PTPRD: variants seen among roughly 807,000 people sequenced by gnomAD.
PTPRD encodes receptor-type tyrosine-protein phosphatase delta.
In PTPRD, 34 loss-of-function variants were observed where a neutral mutation model predicts 214.5. That is an observed-to-expected ratio of 0.16 (90% CI 0.12 to 0.21). The LOEUF (loss-of-function observed/expected upper bound fraction) is 0.21, where lower values mean the gene tolerates loss of function less well. Among genes scored for constraint, PTPRD ranks in the 10% least tolerant of loss-of-function variants. The probability of loss-of-function intolerance (pLI) is 1.00; values close to 1 mark genes in which losing one functional copy is unlikely to be tolerated. For synonymous variants in PTPRD, 1,128 were observed against 845.7 expected (o/e 1.33, Z -5.79); for missense variants, 2,545 against 2,398.7 (o/e 1.06, Z -1.27).
intron 8 of PTPRD, among the ~76,000 whole-genome samples, chr9:9,478,888 A>T (rs993613489): frequency 1.3e-5 from 2 of 152,186 alleles, no homozygotes; most frequent in African/African-American, 2.4e-5. Flanking sequence ...CGCAGCTGAT[A>T]TATGAGCTGC....
At chr9:9,708,793 G>T (rs2097673131) in intron 7 of PTPRD, among the ~76,000 whole-genome samples, 1 of 151,990 alleles carries the variant, frequency 6.6e-6, no homozygotes, top group Non-Finnish European at 1.5e-5. Context: ...ATATAATTCA[G>T]AATGCCATTG....
intron 11 of PTPRD, among the ~76,000 whole-genome samples, chr9:8,930,031 T>TACATGTACC (rs1168595386): frequency 6.6e-6 from 1 of 151,784 alleles, no homozygotes. Context: ...TACATATGTA[T>TACATGTACC]ACATGTACCA....
intron 9 of PTPRD, among the ~76,000 whole-genome samples, chr9:9,213,136 C>G (rs911735426): frequency 6.6e-6 from 1 of 152,176 alleles, no homozygotes; most frequent in Non-Finnish European, 1.5e-5. Flanking sequence ...CGTAGCTTCT[C>G]AAGGTGCTCT....
chr9:8,658,161 A>G (rs2096952439), intron 12 of PTPRD, among the ~76,000 whole-genome samples: 1 of 152,214 alleles, frequency 6.6e-6, no homozygotes, highest in Non-Finnish European at 1.5e-5. Context: ...GCCTAATTAC[A>G]ATAGCAGTGA....
At chr9:8,707,723 G>A (rs1466560589) in intron 12 of PTPRD, among the ~76,000 whole-genome samples, 3 of 151,988 alleles carry the variant, frequency 2.0e-5, no homozygotes, top group Non-Finnish European at 4.4e-5. Context: ...CCTACTATTG[G>A]GTTTAACCAT....
intron 9 of PTPRD, among the ~76,000 whole-genome samples, chr9:9,230,655 T>A (rs992897671): frequency 6.6e-6 from 1 of 152,046 alleles, no homozygotes; most frequent in African/African-American, 2.4e-5. Flanking sequence ...CACCCAGCTG[T>A]TTGGTGGAGA....
chr9:10,073,790 A>T (rs2154181957), intron 3 of PTPRD, among the ~76,000 whole-genome samples: 1 of 152,248 alleles, frequency 6.6e-6, no homozygotes, highest in Admixed American at 6.5e-5. Context: ...CAACTAGATT[A>T]TGTCACATTT....
In PTPRD at chr9:8,654,054, G is replaced by A. The variant is rs564833529; in HGVS notation, c.65-17210C>T. ...GTAGAGCCTGTCCTGTGCATTGCAA[G>A]AGATTGAGCAACATCCCTGGCTTCT... is the stretch of plus-strand genomic sequence containing the variant. On this transcript the variant is annotated intron_variant, in intron 12 of 45. Transcript: ENST00000381196. Among the ~76,000 whole-genome samples, 11 of 152,260 alleles carry A rather than the reference G, an allele frequency of 7.2e-5. No individual in the cohort carries two copies. The South Asian group carries it at 1.9e-3, about 26-fold the overall frequency.
chr9:8,890,805 T>C (rs1411374447), intron 11 of PTPRD, among the ~76,000 whole-genome samples: 1 of 152,216 alleles, frequency 6.6e-6, no homozygotes, highest in East Asian at 1.9e-4. Flanking sequence ...AGCAAGGTGC[T>C]ATTATAATTG....
chr9:9,868,639 G>T (rs948832853), intron 5 of PTPRD, among the ~76,000 whole-genome samples: 4 of 151,824 alleles, frequency 2.6e-5, no homozygotes, highest in African/African-American at 9.7e-5. Context: ...ACCCTAACGT[G>T]CAGTGTAACA....
chr9:8,627,371 C>G (rs1027159921), intron 14 of PTPRD, among the ~76,000 whole-genome samples: 3 of 151,832 alleles, frequency 2.0e-5, no homozygotes, highest in African/African-American at 7.3e-5. Flanking sequence ...CTCTCTGGAC[C>G]TTGGCTCCTT....
intron 9 of PTPRD, among the ~76,000 whole-genome samples, chr9:9,245,320 G>A (rs146256576): frequency 0.013 from 2,054 of 152,210 alleles, 19 homozygotes; most frequent in Middle Eastern, 0.02. Flanking sequence ...ACATGCACAC[G>A]TATGTTTATT....
intron 3 of PTPRD, among the ~76,000 whole-genome samples, chr9:10,302,561 T>C (rs916231594): frequency 6.6e-6 from 1 of 151,998 alleles, no homozygotes; most frequent in African/African-American, 2.4e-5. Flanking sequence ...AATAGAGGGA[T>C]GGAGAAATAT....
chr9:10,217,333 G>C (rs1339010232), intron 3 of PTPRD, among the ~76,000 whole-genome samples: 1 of 151,446 alleles, frequency 6.6e-6, no homozygotes, highest in Non-Finnish European at 1.5e-5. Flanking sequence ...ACAAAGATTA[G>C]CCTCTGAGAC....
rs1311724002 is a variant in PTPRD at position 9,243,387 on chromosome 9, C to T, written c.-202-60024G>A. 2.0e-5 allele frequency among the ~76,000 whole-genome samples: 3 copies of T among 152,030 alleles called. No individual in the cohort carries two copies. The East Asian group carries it at 5.8e-4, about 29-fold the overall frequency. The stretch of plus-strand genomic sequence containing the variant: ...CCTGATGAACATTGATGCAAAAATC[C>T]TCAACAAAATACTGGCAAACCGAAT... On this transcript the variant is annotated intron_variant, in intron 9 of 45. Transcript: ENST00000381196.
At chr9:9,170,598 T>G (rs991000265) in intron 10 of PTPRD, among the ~76,000 whole-genome samples, 1 of 152,210 alleles carries the variant, frequency 6.6e-6, no homozygotes, top group Non-Finnish European at 1.5e-5. Flanking sequence ...CAGTTTGGCT[T>G]GAGGCCAAAG....
At chr9:9,522,117 A>G (rs946315153) in intron 8 of PTPRD, among the ~76,000 whole-genome samples, 2 of 141,844 alleles carry the variant, frequency 1.4e-5, no homozygotes, top group African/African-American at 5.2e-5. Flanking sequence ...AGATTGTGCC[A>G]TTGCACTCCA....
chr9:10,300,008 T>C (rs1050205791), intron 3 of PTPRD, among the ~76,000 whole-genome samples: 4 of 152,132 alleles, frequency 2.6e-5, no homozygotes, highest in African/African-American at 4.8e-5. Context: ...CTTATATTCA[T>C]TGCACTAATA....
At chr9:10,110,959 G>A (rs182203273) in intron 3 of PTPRD, among the ~76,000 whole-genome samples, 19 of 152,268 alleles carry the variant, frequency 1.2e-4, no homozygotes, top group South Asian at 6.2e-4. Context: ...TGTATTTGAT[G>A]TATGAGGATT....
Sources: allele counts gnomAD v4.1 joint callset (sites outside exome capture counted in the v4.1 genomes callset), GRCh38; gene constraint gnomAD v4.1.1; transcripts MANE v1.5; gene names NCBI Gene and HGNC (gene_info 2026-07-23, HGNC 2026-07-21).